Variants in MMS22L observed in about 807,000 individuals in gnomAD.
MMS22L encodes protein MMS22-like.
Under a neutral mutation model 159.1 loss-of-function variants are expected in MMS22L, and 74 were observed. That is an observed-to-expected ratio of 0.47 (90% CI 0.39 to 0.56). The LOEUF is 0.56. Among genes scored for constraint, MMS22L ranks in the 20% least tolerant of loss-of-function variants. MMS22L has a pLI of 0.00. For missense variants in MMS22L, 1,351 were observed against 1,422.1 expected (o/e 0.95, Z 0.80); for synonymous variants, 517 against 506.9 (o/e 1.02, Z -0.27).
At chr6:97,207,265 A>T (rs1807885572) in intron 14 of MMS22L, among the ~76,000 whole-genome samples, 1 of 152,144 alleles carries the variant, frequency 6.6e-6, no homozygotes, top group African/African-American at 2.4e-5. Context: ...AGTTTGCTCC[A>T]TATCACTCCT....
chr6:97,272,928 C>T (rs1384446986), intron 5 of MMS22L, 47 bp from the exon 6 acceptor site: 2 of 1,606,072 alleles, frequency 1.2e-6, no homozygotes, highest in Admixed American at 1.7e-5. Flanking sequence ...TGTGTGAATA[C>T]ACACAGAAAT....
At chr6:97,173,748 A>G (rs944440286) in intron 18 of MMS22L, among the ~76,000 whole-genome samples, 7 of 151,376 alleles carry the variant, frequency 4.6e-5, no homozygotes, top group Non-Finnish European at 8.9e-5. Context: ...AACTTCTTGG[A>G]AAAAAAAAGG....
intron 11 of MMS22L, among the ~76,000 whole-genome samples, chr6:97,234,447 C>A (rs1811186652): frequency 6.6e-6 from 1 of 152,026 alleles, no homozygotes; most frequent in Non-Finnish European, 1.5e-5. Flanking sequence ...CTATTTTAAC[C>A]TTTTAGGAGA....
At chr6:97,275,671 C>T (rs546897648) in intron 4 of MMS22L, among the ~76,000 whole-genome samples, 22 of 152,110 alleles carry the variant, frequency 1.4e-4, no homozygotes, top group Non-Finnish European at 2.1e-4. Flanking sequence ...AAAACACACA[C>T]ACAATAGCTG....
At chr6:97,173,819 CAGTA>C (rs1803816912) in intron 18 of MMS22L, among the ~76,000 whole-genome samples, 1 of 151,620 alleles carries the variant, frequency 6.6e-6, no homozygotes, top group South Asian at 2.1e-4. Flanking sequence ...TGAGGTGAAT[CAGTA>C]AGAGAAGAAC....
intron 9 of MMS22L, among the ~76,000 whole-genome samples, chr6:97,262,593 G>A (rs1486401093): frequency 2.7e-5 from 4 of 146,256 alleles, no homozygotes; most frequent in African/African-American, 5.1e-5. Context: ...GCAGTGAGCC[G>A]AGATCATGCC....
intron 9 of MMS22L, among the ~76,000 whole-genome samples, chr6:97,258,288 A>G (rs569447579): frequency 1.3e-5 from 2 of 152,150 alleles, no homozygotes; most frequent in Non-Finnish European, 2.9e-5. Context: ...TGTACTCATC[A>G]TTTTTTGAGC....
At chr6:97,220,213 G>C (rs968731913) in intron 14 of MMS22L, among the ~76,000 whole-genome samples, 6 of 152,092 alleles carry the variant, frequency 3.9e-5, no homozygotes, top group African/African-American at 1.4e-4. Context: ...GAAAGACTTG[G>C]GGATTTCTTG....
Position 97,228,915 on chromosome 6 carries a change from T to A in MMS22L, c.2018A>T (p.Gln673Leu), listed in dbSNP as rs912364048. The change falls in exon 14 of 25, where the codon CAA becomes CTA. Residue 673 changes from glutamine (Q) to leucine (L), a missense_variant. By Grantham distance (113) the Gln-to-Leu change is moderately radical. Transcript: ENST00000683635. ...ATACCTGATTCTGGCCAGAACAGCT[T>A]GTAGGAAGCTCAATACTGTCCTAAG... ...SELRTVLSFL[Q>L]AVLARIRSMH... The A allele has an allele frequency of 2.5e-6, 4 of 1,613,430 alleles. No homozygotes were observed. The African/African-American group carries it at 5.3e-5, about 22-fold the overall frequency.
At position 97,272,772 on chromosome 6, in the gene MMS22L, A is replaced by G. The variant is rs141232341; in HGVS notation, c.538T>C (p.Tyr180His). ...GGAAGTTCAGATAGGTGTCCAATAT[A>G]CAAGAGTAATCCATGAAGCTCATCA... ...LIDELHGLLLYIGHLSELPSV... is the reference protein window; with the variant it reads ...LIDELHGLLLHIGHLSELPSV... Residue 180 changes from tyrosine to histidine, a missense_variant, in exon 6 of 25, where the codon TAT becomes CAT. By Grantham distance (83) the Tyr-to-His change is moderately conservative. Transcript: ENST00000683635. 2.3e-4 allele frequency: 368 copies of G among 1,614,068 alleles called. No individual in the cohort carries two copies. Among genetic ancestry groups the G allele is most frequent in the Non-Finnish European group, 2.7e-4 (320 of 1,179,936 alleles).
intron 14 of MMS22L, among the ~76,000 whole-genome samples, chr6:97,200,440 C>T (rs1220704260): frequency 1.3e-5 from 2 of 152,000 alleles, no homozygotes; most frequent in African/African-American, 2.4e-5. Context: ...GGCTGAGAGC[C>T]TCAAAGGCGT....
chr6:97,155,238 C>T (rs1416789790), intron 22 of MMS22L, among the ~76,000 whole-genome samples: 10 of 151,996 alleles, frequency 6.6e-5, no homozygotes, highest in Admixed American at 3.9e-4. Flanking sequence ...CTTAATGACT[C>T]GTGTTTGTTT....
chr6:97,231,316 A>G (rs1582714617), intron 13 of MMS22L, 110 bp downstream of exon 13: 1 of 751,498 alleles, frequency 1.3e-6, no homozygotes, highest in African/African-American at 1.8e-5. Context: ...TTACCTAGTA[A>G]CATTATAACT....
chr6:97,254,302 C>G, intron 10 of MMS22L: 1 of 317,802 alleles, frequency 3.1e-6, no homozygotes, highest in South Asian at 5.3e-5. Context: ...GTAATTTGCT[C>G]AGGGTCACAC....
chr6:97,281,330 T>G lies in MMS22L; in HGVS notation c.197A>C (p.Asn66Thr). ...TATTTCCAAGGTATCTTCTTCAAAA[T>G]TAGTTGGTAAAGGGTCAAGATTCAA... The part of the protein sequence containing the change: ...LILNLDPLPT[N>T]FEEDTLEIFG... Residue 66 changes from asparagine (N) to threonine (T), a missense_variant, in exon 3 of 25, where the codon AAT becomes ACT. Physicochemically the swap from Asn to Thr is moderately conservative, Grantham distance 65. Transcript: ENST00000683635. The G allele has an allele frequency of 6.2e-7, 1 of 1,608,606 alleles. No individual in the cohort carries two copies. Among genetic ancestry groups the G allele is most frequent in the Non-Finnish European group, 8.5e-7 (1 of 1,177,882 alleles).
At chr6:97,251,539 A>G (rs933716835) in intron 10 of MMS22L, among the ~76,000 whole-genome samples, 4 of 152,198 alleles carry the variant, frequency 2.6e-5, no homozygotes, top group Admixed American at 2.0e-4. Context: ...TTACATGTGC[A>G]TATACACATA....
At chr6:97,235,849 A>G (rs946158977) in intron 11 of MMS22L, among the ~76,000 whole-genome samples, 2 of 152,200 alleles carry the variant, frequency 1.3e-5, no homozygotes, top group African/African-American at 2.4e-5. Context: ...CTCTTGATAG[A>G]AAGTGACACT....
intron 14 of MMS22L, among the ~76,000 whole-genome samples, chr6:97,226,158 TAA>T (rs918205793): frequency 1.3e-5 from 2 of 152,186 alleles, no homozygotes; most frequent in African/African-American, 2.4e-5. Context: ...AGCAACTGGA[TAA>T]AGTTTGGCAC....
chr6:97,221,881 A>T (rs1322637935), intron 14 of MMS22L, among the ~76,000 whole-genome samples: 1 of 152,118 alleles, frequency 6.6e-6, no homozygotes, highest in Non-Finnish European at 1.5e-5. Context: ...CATTTGATTA[A>T]AAATTCTATC....
Sources: gnomAD v4.1 joint callset for allele counts (sites outside exome capture counted in the v4.1 genomes callset) on GRCh38, gnomAD v4.1.1 for gene constraint, MANE v1.5 for transcripts, NCBI Gene and HGNC (gene_info 2026-07-23, HGNC 2026-07-21) for gene names.